Variants in COL9A1 observed in about 807,000 individuals in gnomAD.
COL9A1 encodes collagen alpha-1(IX) chain.
COL9A1 carries 104 observed loss-of-function variants against 142.6 expected under a neutral mutation model. That is an observed-to-expected ratio of 0.73 (90% CI 0.62 to 0.86). The LOEUF (loss-of-function observed/expected upper bound fraction) is 0.86, where lower values mean the gene tolerates loss of function less well. Ranked by LOEUF, COL9A1 falls within the 40% of genes least tolerant of loss-of-function variation. The pLI is 0.00. For synonymous variants in COL9A1, 466 were observed against 396.0 expected (o/e 1.18, Z -2.10); for missense variants, 1,210 against 1,176.6 (o/e 1.03, Z -0.42).
intron 10 of COL9A1, chr6:70,275,176 T>C: frequency 4.4e-6 from 1 of 225,576 alleles, no homozygotes; most frequent in Non-Finnish European, 8.8e-6. Context: ...GAAACAAAAA[T>C]ACTATGTATC....
chr6:70,281,316 C>T, intron 8 of COL9A1, 74 bp downstream of exon 8: 1 of 1,453,008 alleles, frequency 6.9e-7, no homozygotes. Flanking sequence ...AAAAAAAACC[C>T]CACAGGAGCC....
chr6:70,228,620 T>C (rs1223058967), intron 36 of COL9A1, among the ~76,000 whole-genome samples: 1 of 152,108 alleles, frequency 6.6e-6, no homozygotes, highest in Admixed American at 6.5e-5. Context: ...TGTATAACCA[T>C]CTGCACTCAG....
In COL9A1 at chr6:70,280,996, C is replaced by A. The variant is rs1773122137; in HGVS notation, c.912+8G>T. 2.5e-6 allele frequency: 4 copies of A among 1,613,666 alleles called. No individual in the cohort carries two copies. In the South Asian group the frequency reaches 3.3e-5, roughly 13 times the overall value. On this transcript the variant is annotated splice_region_variant and intron_variant, in intron 9 of 37. Transcript: ENST00000357250. ...GAAGTGGAGCGCCATATGCTCCAAT[C>A]AACTTACCGGGGGGCCCGGGGGGCC...
chr6:70,255,179 G>C lies in COL9A1; in HGVS notation c.1582C>G (p.Pro528Ala). The change falls in exon 23 of 38, where the codon CCT (proline) becomes GCT (alanine). Residue 528 changes from proline to alanine, a missense_variant. Coordinates refer to ENST00000357250, the MANE Select transcript of COL9A1 (RefSeq NM_001851.6). Reference protein sequence around the residue: ...DRGAEGARGIPGLPGPKGDTG... With the variant: ...DRGAEGARGIAGLPGPKGDTG... ...TCTCCTTTGGGCCCAGGGAGACCAG[G>C]AATTCCTCTAGCACCTTCAGCCCCC... 1 of 1,614,216 alleles carries C rather than the reference G, an allele frequency of 6.2e-7. No individual in the cohort carries two copies. The highest frequency in any genetic ancestry group is 8.5e-7 in the Non-Finnish European group (1 of 1,180,042).
intron 10 of COL9A1, among the ~76,000 whole-genome samples, chr6:70,276,278 T>G (rs1772756126): frequency 6.6e-6 from 1 of 152,172 alleles, no homozygotes; most frequent in Non-Finnish European, 1.5e-5. Context: ...ACTCTCTGGA[T>G]GCACATATGG....
At chr6:70,221,191 A>T (rs7739562) in intron 37 of COL9A1, among the ~76,000 whole-genome samples, 2 of 151,916 alleles carry the variant, frequency 1.3e-5, no homozygotes, top group Non-Finnish European at 2.9e-5. Flanking sequence ...TCTCGGCTGG[A>T]TCATTCTGGA....
chr6:70,274,205 CA>C, intron 11 of COL9A1, 123 bp from the exon 12 acceptor site: 1 of 671,772 alleles, frequency 1.5e-6, no homozygotes. Flanking sequence ...TTTAAATTTC[CA>C]ACTTTTATTT....
In COL9A1 at chr6:70,274,739, T is replaced by C. The variant is rs1305071045; in HGVS notation, c.1009A>G (p.Ile337Val). The change falls in exon 11 of 38, where the codon ATT becomes GTT. Residue 337 changes from isoleucine (I) to valine (V), a missense_variant. Physicochemically the swap from Ile to Val is conservative, Grantham distance 29. Coordinates refer to ENST00000357250, the MANE Select transcript of COL9A1 (RefSeq NM_001851.6). ...CTTACTTTTTGTCCCTTTGACCCAATGGAGCCAGGGGATCCATCAGGTCCT... is the reference window on the plus strand; with the variant it reads ...CTTACTTTTTGTCCCTTTGACCCAACGGAGCCAGGGGATCCATCAGGTCCT... ...LTGPDGSPGSIGSKGQKGEPG... is the reference protein window; with the variant it reads ...LTGPDGSPGSVGSKGQKGEPG... The C allele has an allele frequency of 7.4e-6, 12 of 1,612,592 alleles. No individual in the cohort carries two copies. The highest frequency in any genetic ancestry group is 1.0e-5 in the Non-Finnish European group (12 of 1,178,852).
At chr6:70,271,748 A>G in intron 13 of COL9A1, 40 bp from the exon 14 acceptor site, 1 of 1,545,132 alleles carries the variant, frequency 6.5e-7, no homozygotes, top group Non-Finnish European at 8.9e-7. Context: ...ATTTATGAAT[A>G]TTTTTACAAT....
intron 28 of COL9A1, chr6:70,245,542 G>A (rs1770541107): frequency 6.6e-6 from 1 of 152,182 alleles, no homozygotes; most frequent in Admixed American, 6.5e-5. Flanking sequence ...AGAGAGGGTG[G>A]TAGGAAAAGG....
intron 30 of COL9A1, 56 bp downstream of exon 30, chr6:70,241,904 TCAAC>T: frequency 6.9e-7 from 1 of 1,446,006 alleles, no homozygotes. Context: ...GCTTTGTTTC[TCAAC>T]ATGGTAGAAA....
intron 2 of COL9A1, 50 bp downstream of exon 2, chr6:70,301,951 C>A: frequency 1.4e-6 from 2 of 1,462,174 alleles, no homozygotes; most frequent in South Asian, 2.4e-5. Context: ...CCTGCCTGAT[C>A]ATTTCTGGGA....
intron 28 of COL9A1, 69 bp from the exon 29 acceptor site, chr6:70,242,784 A>G: frequency 1.4e-6 from 2 of 1,452,834 alleles, no homozygotes; most frequent in Non-Finnish European, 1.9e-6. Context: ...CTATGTAAAT[A>G]AAATAACATC....
At chr6:70,288,546 C>G (rs1773541277) in intron 5 of COL9A1, among the ~76,000 whole-genome samples, 1 of 152,186 alleles carries the variant, frequency 6.6e-6, no homozygotes, top group Admixed American at 6.5e-5. Flanking sequence ...AGCCAAAGTA[C>G]TAACACAATT....
chr6:70,245,110 G>C (rs1562298995), intron 28 of COL9A1, among the ~76,000 whole-genome samples: 1 of 152,204 alleles, frequency 6.6e-6, no homozygotes, highest in Non-Finnish European at 1.5e-5. Flanking sequence ...TCACCTCACT[G>C]TGCAAAACAG....
chr6:70,273,615 G>A (rs550175121), intron 12 of COL9A1, among the ~76,000 whole-genome samples: 1 of 152,204 alleles, frequency 6.6e-6, no homozygotes, highest in Admixed American at 6.5e-5. Context: ...AAGGAATCAG[G>A]CAAGTGATAA....
chr6:70,226,506 A>G (rs545732121), intron 36 of COL9A1, among the ~76,000 whole-genome samples: 75 of 152,234 alleles, frequency 4.9e-4, no homozygotes, highest in African/African-American at 1.7e-3. Flanking sequence ...CTCAAAAACT[A>G]TTACAAACAG....
intron 15 of COL9A1, among the ~76,000 whole-genome samples, chr6:70,269,928 T>A (rs760375007): frequency 1.3e-5 from 2 of 152,192 alleles, no homozygotes; most frequent in Non-Finnish European, 2.9e-5. Flanking sequence ...GAACTCTGAA[T>A]TACAAATAAA....
At chr6:70,297,564 T>G (rs1035752691) in intron 4 of COL9A1, among the ~76,000 whole-genome samples, 1 of 152,158 alleles carries the variant, frequency 6.6e-6, no homozygotes, top group African/African-American at 2.4e-5. Context: ...CGAAATTCGG[T>G]TCTTGCAAAT....
Sources: allele counts gnomAD v4.1 joint callset (sites outside exome capture counted in the v4.1 genomes callset), GRCh38; gene constraint gnomAD v4.1.1; transcripts MANE v1.5; gene names NCBI Gene and HGNC (gene_info 2026-07-23, HGNC 2026-07-21).